PLCE1: variants seen among roughly 807,000 people sequenced by gnomAD.
The protein encoded by PLCE1 is phospholipase C epsilon 1, also known as 1-phosphatidylinositol 4,5-bisphosphate phosphodiesterase epsilon-1.
In PLCE1, 119 loss-of-function variants were observed where a neutral mutation model predicts 242.8. The observed-to-expected ratio is 0.49, with a 90% CI of 0.42 to 0.57. The LOEUF is 0.57. Among genes scored for constraint, PLCE1 ranks in the 20% least tolerant of loss-of-function variants. The probability of loss-of-function intolerance (pLI) is 0.00; values close to 1 mark genes in which losing one functional copy is unlikely to be tolerated. For synonymous variants in PLCE1, 945 were observed against 1,017.4 expected, an observed-to-expected ratio of 0.93 and a Z score of 1.35; for missense variants, 2,441 against 2,788.8, an observed-to-expected ratio of 0.88 and a Z score of 2.81.
At chr10:94,237,867 T>C (rs1171620007) in intron 7 of PLCE1, among the ~76,000 whole-genome samples, 2 of 152,220 alleles carry the variant, frequency 1.3e-5, no homozygotes, top group Admixed American at 1.3e-4. Flanking sequence ...GATGTGCAGA[T>C]TGAAAAGCCC....
intron 2 of PLCE1, among the ~76,000 whole-genome samples, chr10:94,097,987 A>G (rs2045378928): frequency 6.6e-6 from 1 of 152,170 alleles, no homozygotes; most frequent in East Asian, 1.9e-4. Flanking sequence ...GACAGTGTGG[A>G]TATTTGGGGA....
intron 1 of PLCE1, among the ~76,000 whole-genome samples, chr10:94,020,605 A>G (rs189485291): frequency 2.0e-5 from 3 of 151,974 alleles, no homozygotes; most frequent in African/African-American, 7.2e-5. Context: ...TTTAGCTTTT[A>G]TGTGTCGGAC....
At chr10:94,230,572 G>A (rs1382840858) in intron 5 of PLCE1, among the ~76,000 whole-genome samples, 1 of 151,534 alleles carries the variant, frequency 6.6e-6, no homozygotes, top group African/African-American at 2.4e-5. Context: ...TGATCCACAC[G>A]CCTCAGCCTC....
At chr10:94,291,616 G>T (rs1017796192) in intron 22 of PLCE1, among the ~76,000 whole-genome samples, 1 of 152,076 alleles carries the variant, frequency 6.6e-6, no homozygotes, top group African/African-American at 2.4e-5. Context: ...TTAAAGGATT[G>T]CTGTAAAAAG....
rs546867729 is a variant in PLCE1 at position 94,023,211 on chromosome 10, A to G, written c.-364-7472A>G. 2.6e-5 allele frequency among the ~76,000 whole-genome samples: 4 copies of G among 152,314 alleles called. No individual in the cohort carries two copies. The South Asian group carries it at 8.3e-4, about 32-fold the overall frequency. On this transcript the variant is annotated intron_variant, in intron 1 of 32. Coordinates refer to ENST00000371380, the MANE Select transcript of PLCE1 (RefSeq NM_016341.4). ...TAGAAAATAGTGGGAAGGGAAATGC[A>G]CAGAGGCATTAAGTGCTAGGCTGAT...
intron 2 of PLCE1, among the ~76,000 whole-genome samples, chr10:94,046,314 TC>T (rs2061882511): frequency 6.6e-6 from 1 of 152,206 alleles, no homozygotes; most frequent in Non-Finnish European, 1.5e-5. Context: ...TTGTTCTTTT[TC>T]TTTTATTTGT....
chr10:94,123,417 C>T (rs908454970), intron 2 of PLCE1, among the ~76,000 whole-genome samples: 3 of 152,150 alleles, frequency 2.0e-5, no homozygotes, highest in East Asian at 1.9e-4. Context: ...TTTGTCTTTC[C>T]GGAGTTCTGT....
At chr10:94,061,569 T>C (rs2044056756) in intron 2 of PLCE1, among the ~76,000 whole-genome samples, 1 of 152,072 alleles carries the variant, frequency 6.6e-6, no homozygotes, top group African/African-American at 2.4e-5. Flanking sequence ...TAATGCACTG[T>C]CTAGGTGTGG....
intron 2 of PLCE1, among the ~76,000 whole-genome samples, chr10:94,041,301 A>G (rs1457152823): frequency 6.6e-6 from 1 of 152,104 alleles, no homozygotes; most frequent in Non-Finnish European, 1.5e-5. Flanking sequence ...GAACTACTGC[A>G]GGCTTGTTAG....
chr10:93,998,036 C>A (rs1399746542), intron 1 of PLCE1, among the ~76,000 whole-genome samples: 2 of 152,174 alleles, frequency 1.3e-5, no homozygotes, highest in Non-Finnish European at 2.9e-5. Context: ...ATTGTAAGCC[C>A]TCCTGGCGTG....
At chr10:94,007,699 C>CTTTTTTTTTT (rs80098906) in intron 1 of PLCE1, among the ~76,000 whole-genome samples, 3 of 64,130 alleles carry the variant, frequency 4.7e-5, no homozygotes, top group Admixed American at 1.8e-4. Flanking sequence ...AGCCTACTTT[C>CTTTTTTTTTT]TTTTTTTTTT....
intron 26 of PLCE1, among the ~76,000 whole-genome samples, chr10:94,307,741 G>C (rs2053249916): frequency 6.6e-6 from 1 of 152,058 alleles, no homozygotes; most frequent in Non-Finnish European, 1.5e-5. Context: ...CCCACCCTAA[G>C]GACCCCATTT....
intron 4 of PLCE1, among the ~76,000 whole-genome samples, chr10:94,220,641 C>T (rs1373256596): frequency 6.6e-6 from 1 of 151,776 alleles, no homozygotes; most frequent in East Asian, 1.9e-4. Context: ...GTTCTGTCAC[C>T]TGAAATTCAG....
At chr10:94,195,220 C>T (rs2048783043) in intron 4 of PLCE1, among the ~76,000 whole-genome samples, 1 of 152,132 alleles carries the variant, frequency 6.6e-6, no homozygotes, top group African/African-American at 2.4e-5. Context: ...AGCATGTTCT[C>T]CCCTCCTCTA....
intron 4 of PLCE1, among the ~76,000 whole-genome samples, chr10:94,198,224 C>G (rs2048886276): frequency 6.6e-6 from 1 of 152,118 alleles, no homozygotes; most frequent in Non-Finnish European, 1.5e-5. Context: ...GGTTCCCACT[C>G]TGGTCTGGGA....
intron 1 of PLCE1, among the ~76,000 whole-genome samples, chr10:94,007,522 T>C (rs972439427): frequency 1.3e-5 from 2 of 151,700 alleles, no homozygotes; most frequent in South Asian, 4.2e-4. Context: ...ATTTCAGGTT[T>C]AAAAAATTAT....
intron 8 of PLCE1, among the ~76,000 whole-genome samples, chr10:94,249,533 C>T (rs1279072561): frequency 2.0e-5 from 3 of 151,804 alleles, no homozygotes; most frequent in Non-Finnish European, 2.9e-5. Flanking sequence ...TTTTTTAATC[C>T]CTAGTTTGGG....
At chr10:94,080,472 G>A (rs1428758678) in intron 2 of PLCE1, among the ~76,000 whole-genome samples, 1 of 152,166 alleles carries the variant, frequency 6.6e-6, no homozygotes, top group African/African-American at 2.4e-5. Flanking sequence ...TTAGCCCAGG[G>A]ACCAAGTAAA....
chr10:94,109,825 T>G (rs1421878519), intron 2 of PLCE1, among the ~76,000 whole-genome samples: 1 of 151,648 alleles, frequency 6.6e-6, no homozygotes, highest in African/African-American at 2.4e-5. Context: ...TCCACTGCAA[T>G]GTTCTCTATT....
Sources: gnomAD v4.1 joint callset for allele counts (sites outside exome capture counted in the v4.1 genomes callset) on GRCh38, gnomAD v4.1.1 for gene constraint, MANE v1.5 for transcripts, NCBI Gene and HGNC (gene_info 2026-07-23, HGNC 2026-07-21) for gene names.